The following RUBCN variants were observed in gnomAD, a reference collection of about 807,000 sequenced individuals.
RUBCN encodes the protein rubicon autophagy regulator, also known as run domain Beclin-1-interacting and cysteine-rich domain-containing protein.
In RUBCN, 74 loss-of-function variants were observed where a neutral mutation model predicts 113.2. The observed-to-expected ratio is 0.65, with a 90% confidence interval of 0.54 to 0.79. The LOEUF (loss-of-function observed/expected upper bound fraction) is 0.79. Among genes scored for constraint, RUBCN ranks in the 30% least tolerant of loss-of-function variants. The pLI, the probability that RUBCN is intolerant of heterozygous loss-of-function variation, is 0.00. For synonymous variants in RUBCN, 480 were observed against 490.0 expected, an observed-to-expected ratio of 0.98 and a Z score of 0.27; for missense variants, 1,109 against 1,251.7, an observed-to-expected ratio of 0.89 and a Z score of 1.72.
At chr3:197,720,767 AGAG>A (rs1200870128) in intron 1 of RUBCN, among the ~76,000 whole-genome samples, 1 of 152,168 alleles carries the variant, frequency 6.6e-6, no homozygotes, top group Non-Finnish European at 1.5e-5. Flanking sequence ...TGCAATAAAT[AGAG>A]GAGTGCAGGT....
intron 18 of RUBCN, chr3:197,676,439 G>A (rs1720434563): frequency 3.0e-6 from 2 of 655,940 alleles, no homozygotes; most frequent in East Asian, 2.0e-4. Flanking sequence ...TCAGCCTCCC[G>A]AGTAGCTGGG....
chr3:197,701,217 G>A, intron 6 of RUBCN, 71 bp from the exon 7 acceptor site: 1 of 1,327,748 alleles, frequency 7.5e-7, no homozygotes, highest in Admixed American at 2.4e-5. Flanking sequence ...TGAAGGACTG[G>A]GTGACCAGGA....
chr3:197,742,557 C>G (rs917509909), intron 1 of RUBCN, among the ~76,000 whole-genome samples: 1 of 152,206 alleles, frequency 6.6e-6, no homozygotes. Flanking sequence ...TTCGTTTTGT[C>G]CCTGCCCCAG....
chr3:197,742,532 C>T (rs1728567558), intron 1 of RUBCN, among the ~76,000 whole-genome samples: 1 of 152,164 alleles, frequency 6.6e-6, no homozygotes. Context: ...AAATCCTTAA[C>T]ATAGTTGACG....
At chr3:197,691,187 C>T in intron 11 of RUBCN, 1 of 1,042,230 alleles carries the variant, frequency 9.6e-7, no homozygotes, top group Non-Finnish European at 1.3e-6. Context: ...CCTTAGTATT[C>T]CAGCAGGAAA....
chr3:197,738,361 A>C (rs6783269), upstream of RUBCN, among the ~76,000 whole-genome samples: 3,854 of 152,310 alleles, frequency 0.025, 125 homozygotes, highest in African/African-American at 0.087. Flanking sequence ...CTCCGTGAAA[A>C]ACTAATGACT....
chr3:197,693,855 A>G (rs749026460), intron 10 of RUBCN, 39 bp from the exon 11 acceptor site: 1 of 1,368,770 alleles, frequency 7.3e-7, no homozygotes, highest in South Asian at 1.2e-5. Flanking sequence ...AACAGGGCAG[A>G]AAGAGGTCTT....
intron 1 of RUBCN, among the ~76,000 whole-genome samples, chr3:197,744,277 G>T (rs565059472): frequency 6.6e-6 from 1 of 152,184 alleles, no homozygotes; most frequent in South Asian, 2.1e-4. Context: ...ATGTAAAAAG[G>T]ATAATATACC....
At position 197,674,431 on chromosome 3, in the gene RUBCN, G is replaced by A; in HGVS notation, c.*587C>T. On this transcript the variant is annotated 3_prime_UTR_variant, in exon 20 of 20. Transcript: ENST00000296343. ...CACAGCTGCCTCTGAGGTCTCTGAGGAGTCTAGGATAGTCAGGATTGTTCT... is the reference window on the plus strand; with the variant it reads ...CACAGCTGCCTCTGAGGTCTCTGAGAAGTCTAGGATAGTCAGGATTGTTCT... 3.1e-6 allele frequency: 1 copy of A among 319,628 alleles called. No individual in the cohort carries two copies. 19.8% of individuals were successfully genotyped at this position (319,628 alleles called of 1,614,324 possible). A position where few individuals can be genotyped will look rare whatever the true frequency, so the allele number is the denominator to read the frequency against.
intron 1 of RUBCN, among the ~76,000 whole-genome samples, chr3:197,734,117 C>T (rs1031009421): frequency 1.3e-5 from 2 of 151,750 alleles, no homozygotes; most frequent in East Asian, 3.9e-4. Flanking sequence ...ATTAGCTGGG[C>T]GTGGTGGCGG....
intron 1 of RUBCN, among the ~76,000 whole-genome samples, chr3:197,732,462 T>C (rs978015382): frequency 5.9e-5 from 9 of 152,170 alleles, no homozygotes; most frequent in African/African-American, 1.7e-4. Flanking sequence ...TACAGGCGCC[T>C]GCCACCACGC....
At chr3:197,677,943 T>C (rs1173502129) in intron 16 of RUBCN, among the ~76,000 whole-genome samples, 3 of 143,340 alleles carry the variant, frequency 2.1e-5, no homozygotes, top group African/African-American at 7.8e-5. Context: ...CAGACTGTCC[T>C]ACGCTCTAAC....
intron 1 of RUBCN, among the ~76,000 whole-genome samples, chr3:197,745,830 A>C (rs1282908021): frequency 6.6e-6 from 1 of 152,162 alleles, no homozygotes; most frequent in Non-Finnish European, 1.5e-5. Flanking sequence ...TGAGGTCAGG[A>C]GTTCGAGACC....
chr3:197,702,319 C>T (rs1478808776), intron 5 of RUBCN, among the ~76,000 whole-genome samples: 3 of 152,188 alleles, frequency 2.0e-5, no homozygotes, highest in African/African-American at 4.8e-5. Context: ...TACATAGCAC[C>T]GTGCCTGGCA....
intron 2 of RUBCN, among the ~76,000 whole-genome samples, chr3:197,716,779 T>C (rs1725562214): frequency 6.6e-6 from 1 of 151,822 alleles, no homozygotes. Context: ...GGAATGGTCA[T>C]AAGGAGGGGG....
At chr3:197,703,524 T>C in intron 5 of RUBCN, 24 bp downstream of exon 5, 1 of 1,521,438 alleles carries the variant, frequency 6.6e-7, no homozygotes, top group Non-Finnish European at 9.1e-7. Flanking sequence ...AGCATAGACG[T>C]GGATAATTCC....
intron 18 of RUBCN, chr3:197,676,307 C>G: frequency 2.0e-6 from 2 of 995,738 alleles, no homozygotes; most frequent in African/African-American, 1.7e-5. Flanking sequence ...ATCCAGAGCT[C>G]TCCTCTCACA....
intron 1 of RUBCN, among the ~76,000 whole-genome samples, chr3:197,721,996 T>G (rs995264421): frequency 2.6e-5 from 4 of 152,158 alleles, no homozygotes; most frequent in Non-Finnish European, 5.9e-5. Context: ...CCCAGCACTT[T>G]GGGAGTCCGA....
At chr3:197,744,107 A>G (rs902374203) in intron 1 of RUBCN, among the ~76,000 whole-genome samples, 1 of 149,380 alleles carries the variant, frequency 6.7e-6, no homozygotes, top group Admixed American at 6.6e-5. Context: ...AGTATAATAC[A>G]TATTACATCA....
Sources: gnomAD v4.1 joint callset for allele counts (sites outside exome capture counted in the v4.1 genomes callset) on GRCh38, gnomAD v4.1.1 for gene constraint, MANE v1.5 for transcripts, NCBI Gene and HGNC (gene_info 2026-07-23, HGNC 2026-07-21) for gene names.